Variants in CNGA1 observed in about 807,000 individuals in gnomAD.
The protein encoded by CNGA1 is cyclic nucleotide gated channel subunit alpha 1.
A neutral mutation model predicts 69.7 loss-of-function variants in CNGA1; 53 were observed. The observed-to-expected ratio is 0.76, with a 90% CI of 0.61 to 0.96. The LOEUF (loss-of-function observed/expected upper bound fraction) is 0.96. CNGA1 is among the 40% of genes least tolerant of loss of function. The pLI, the probability that CNGA1 is intolerant of heterozygous loss-of-function variation, is 0.00. For synonymous variants in CNGA1, 249 were observed against 283.5 expected (o/e 0.88, Z 1.22); for missense variants, 739 against 811.2 (o/e 0.91, Z 1.08).
At chr4:47,982,287 A>G (rs898537558) in intron 2 of CNGA1, among the ~76,000 whole-genome samples, 2 of 152,350 alleles carry the variant, frequency 1.3e-5, no homozygotes, top group Middle Eastern at 3.4e-3. Flanking sequence ...TACATCATGC[A>G]TTCTCCAGTA....
intron 2 of CNGA1, among the ~76,000 whole-genome samples, chr4:48,005,408 G>A (rs937529824): frequency 3.9e-5 from 6 of 152,174 alleles, no homozygotes; most frequent in Admixed American, 2.0e-4. Context: ...GAGCCACCAC[G>A]CCCGGCCCTG....
intron 2 of CNGA1, among the ~76,000 whole-genome samples, chr4:47,996,729 A>G (rs1467460044): frequency 6.6e-6 from 1 of 152,096 alleles, no homozygotes; most frequent in Non-Finnish European, 1.5e-5. Flanking sequence ...ATTATTGGGG[A>G]AGAGAGTATG....
chr4:48,016,333 C>T (rs997892316), intron 1 of CNGA1, 150 bp downstream of exon 1: 7 of 158,830 alleles, frequency 4.4e-5, no homozygotes, highest in African/African-American at 1.7e-4. Flanking sequence ...CGCAGAACCC[C>T]AGCAGTCAGC....
At chr4:47,997,509 G>A (rs1714434099) in intron 2 of CNGA1, among the ~76,000 whole-genome samples, 2 of 152,120 alleles carry the variant, frequency 1.3e-5, no homozygotes, top group Non-Finnish European at 2.9e-5. Flanking sequence ...TATTGTACAT[G>A]TCTGGTTAGG....
intron 3 of CNGA1, among the ~76,000 whole-genome samples, chr4:47,966,950 C>T (rs1437700411): frequency 6.6e-6 from 1 of 152,114 alleles, no homozygotes; most frequent in Non-Finnish European, 1.5e-5. Flanking sequence ...GAACTCTTAG[C>T]AAACCAGGAA....
chr4:47,997,917 T>A (rs1714458859), intron 2 of CNGA1, among the ~76,000 whole-genome samples: 1 of 152,168 alleles, frequency 6.6e-6, no homozygotes, highest in Admixed American at 6.6e-5. Context: ...AATCATAAGT[T>A]GAAAAGGCAT....
chr4:47,965,243 T>C (rs553325717), intron 3 of CNGA1, among the ~76,000 whole-genome samples: 1 of 152,286 alleles, frequency 6.6e-6, no homozygotes, highest in Non-Finnish European at 1.5e-5. Flanking sequence ...GTTTTATTCA[T>C]GTTAGGAAGT....
At chr4:47,967,772 A>G (rs1740801602) in intron 3 of CNGA1, among the ~76,000 whole-genome samples, 2 of 152,088 alleles carry the variant, frequency 1.3e-5, no homozygotes, top group African/African-American at 4.8e-5. Flanking sequence ...AGGTCAGGAG[A>G]TTGAGACCAT....
At chr4:47,972,752 C>A (rs1007666021) in intron 3 of CNGA1, among the ~76,000 whole-genome samples, 1 of 152,136 alleles carries the variant, frequency 6.6e-6, no homozygotes, top group Non-Finnish European at 1.5e-5. Flanking sequence ...GAAATGCCTA[C>A]TAGGTGTCAA....
intron 3 of CNGA1, among the ~76,000 whole-genome samples, chr4:47,968,051 G>C (rs1245665687): frequency 6.6e-6 from 1 of 152,060 alleles, no homozygotes; most frequent in Non-Finnish European, 1.5e-5. Flanking sequence ...ACAATGCACA[G>C]AGTTCTCTGC....
intron 2 of CNGA1, among the ~76,000 whole-genome samples, chr4:47,983,290 T>C (rs1741825682): frequency 6.6e-6 from 1 of 152,188 alleles, no homozygotes. Flanking sequence ...CCTAATCTGC[T>C]TAAGAAAATA....
intron 6 of CNGA1, among the ~76,000 whole-genome samples, chr4:47,944,676 T>C (rs1739286915): frequency 6.6e-6 from 1 of 151,960 alleles, no homozygotes; most frequent in Non-Finnish European, 1.5e-5. Flanking sequence ...GATGCAAAAG[T>C]GATGTGGAAT....
chr4:47,945,644 C>T (rs116521751), intron 6 of CNGA1, among the ~76,000 whole-genome samples: 4,485 of 152,242 alleles, frequency 0.029, 91 homozygotes, highest in Non-Finnish European at 0.046. Flanking sequence ...GATCATTTCT[C>T]CAGTTCCTAA....
At chr4:47,991,032 C>G (rs1197368413) in intron 2 of CNGA1, among the ~76,000 whole-genome samples, 1 of 151,916 alleles carries the variant, frequency 6.6e-6, no homozygotes. Flanking sequence ...GTATATACAC[C>G]ATGATCTCTT....
intron 2 of CNGA1, among the ~76,000 whole-genome samples, chr4:48,010,498 C>T (rs1007793244): frequency 5.9e-5 from 9 of 152,066 alleles, no homozygotes; most frequent in South Asian, 2.1e-4. Flanking sequence ...AAGATGGTGG[C>T]GAGCCACTTC....
intron 2 of CNGA1, among the ~76,000 whole-genome samples, chr4:47,988,252 A>G (rs1305889411): frequency 2.6e-5 from 4 of 152,180 alleles, no homozygotes; most frequent in Non-Finnish European, 5.9e-5. Flanking sequence ...GGACATAAGG[A>G]AAAGCAAGCT....
At chr4:47,951,036 C>T (rs1174574359) in intron 5 of CNGA1, among the ~76,000 whole-genome samples, 2 of 152,208 alleles carry the variant, frequency 1.3e-5, no homozygotes, top group African/African-American at 2.4e-5. Flanking sequence ...CAACTTGGAA[C>T]GCCATGGCCA....
At chr4:47,945,393 T>G (rs2110146350) in intron 6 of CNGA1, among the ~76,000 whole-genome samples, 1 of 152,298 alleles carries the variant, frequency 6.6e-6, no homozygotes, top group South Asian at 2.1e-4. Flanking sequence ...TCCCTGGTCT[T>G]TCTCCTAAAG....
chr4:47,959,585 G>A (rs139562802), intron 3 of CNGA1, among the ~76,000 whole-genome samples: 25 of 152,156 alleles, frequency 1.6e-4, no homozygotes, highest in African/African-American at 5.8e-4. Flanking sequence ...TTCTTAGAAA[G>A]GGCACAAAAA....
Sources: gnomAD v4.1 joint callset for allele counts (sites outside exome capture counted in the v4.1 genomes callset) on GRCh38, gnomAD v4.1.1 for gene constraint, MANE v1.5 for transcripts, NCBI Gene and HGNC (gene_info 2026-07-23, HGNC 2026-07-21) for gene names.